EXOSC7: variants seen among roughly 807,000 people sequenced by gnomAD.
EXOSC7 encodes the protein exosome component 7, also known as exosome complex component RRP42.
A neutral mutation model predicts 34.3 loss-of-function variants in EXOSC7; 25 were observed. The observed-to-expected ratio is 0.73, with a 90% confidence interval of 0.53 to 1.02. EXOSC7 has a LOEUF of 1.02. Among genes scored for constraint, EXOSC7 ranks in the 50% least tolerant of loss-of-function variants. The pLI, the probability that EXOSC7 is intolerant of heterozygous loss-of-function variation, is 0.00. For synonymous variants in EXOSC7, 130 were observed against 143.0 expected (o/e 0.91, Z 0.65); for missense variants, 370 against 368.5 (o/e 1.00, Z -0.03).
At chr3:44,986,319 G>C (rs1706414042) in intron 1 of EXOSC7, among the ~76,000 whole-genome samples, 1 of 152,232 alleles carries the variant, frequency 6.6e-6, no homozygotes, top group Admixed American at 6.5e-5. Context: ...CACAGCAGCT[G>C]CTGGCCCAGG....
intron 1 of EXOSC7, among the ~76,000 whole-genome samples, chr3:44,984,204 C>T (rs961442587): frequency 4.6e-5 from 7 of 152,152 alleles, no homozygotes; most frequent in African/African-American, 7.2e-5. Context: ...GATGTGGTGG[C>T]GCATGCCTGT....
intron 1 of EXOSC7, among the ~76,000 whole-genome samples, chr3:44,984,823 A>G (rs550788463): frequency 6.6e-6 from 1 of 152,392 alleles, no homozygotes; most frequent in East Asian, 1.9e-4. Flanking sequence ...AGCAGCTGCT[A>G]TTATTTATTG....
rs766608807 is a variant in EXOSC7, at chr3:45,005,404, C to T, written c.605C>T (p.Thr202Ile). The stretch of plus-strand genomic sequence containing the variant: ...GTGGAGAATGTCCCCTGCATTGTCA[C>T]TCTGTGCAAGGTATAACTTGTATTT... ...LSVENVPCIV[T>I]LCKIGYRHVV... is the part of the protein sequence containing the mutation. The change falls in exon 6 of 8, where the codon ACT becomes ATT. Residue 202 changes from threonine (T) to isoleucine (I), a missense_variant. Transcript: ENST00000265564. 2 of 1,614,130 alleles carry T rather than the reference C, an allele frequency of 1.2e-6. No individual in the cohort carries two copies. Among genetic ancestry groups the T allele is most frequent in the Admixed American group, 1.7e-5 (1 of 60,016 alleles).
intron 4 of EXOSC7, among the ~76,000 whole-genome samples, chr3:44,998,223 A>C (rs575398640): frequency 2.0e-5 from 3 of 151,634 alleles, no homozygotes; most frequent in African/African-American, 7.3e-5. Context: ...ATTAGTAGAG[A>C]TGGGGTTTCA....
At chr3:44,976,593 C>G (rs907377176) in intron 1 of EXOSC7, among the ~76,000 whole-genome samples, 6 of 152,168 alleles carry the variant, frequency 3.9e-5, no homozygotes, top group Non-Finnish European at 8.8e-5. Flanking sequence ...TCTCGGAGGC[C>G]TTTTCTTAGT....
chr3:44,993,243 A>T (rs1481664988), intron 3 of EXOSC7, among the ~76,000 whole-genome samples: 1 of 152,110 alleles, frequency 6.6e-6, no homozygotes, highest in African/African-American at 2.4e-5. Flanking sequence ...TTGGTCTGGT[A>T]CCCATTTACA....
chr3:45,006,662 C>T (rs569326951), intron 6 of EXOSC7, among the ~76,000 whole-genome samples: 31 of 151,016 alleles, frequency 2.1e-4, no homozygotes, highest in Non-Finnish European at 3.7e-4. Context: ...ATGATCTGCC[C>T]GCCTCGGCCT....
At chr3:44,977,851 A>C (rs935295930) in intron 1 of EXOSC7, among the ~76,000 whole-genome samples, 3 of 152,356 alleles carry the variant, frequency 2.0e-5, no homozygotes, top group Non-Finnish European at 4.4e-5. Flanking sequence ...TTCATCCCTG[A>C]AAGTGGCACT....
chr3:45,003,206 A>G (rs1272917794), intron 5 of EXOSC7, among the ~76,000 whole-genome samples: 1 of 152,174 alleles, frequency 6.6e-6, no homozygotes, highest in Non-Finnish European at 1.5e-5. Context: ...TCCCCCTGGT[A>G]TGTGGAGAGA....
intron 7 of EXOSC7, among the ~76,000 whole-genome samples, chr3:45,009,409 C>T (rs1480495601): frequency 6.6e-6 from 1 of 152,216 alleles, no homozygotes; most frequent in Non-Finnish European, 1.5e-5. Flanking sequence ...TCAAGGCCCT[C>T]TCAAGTCCTG....
chr3:44,989,376 G>GA (rs1553698994), intron 2 of EXOSC7, 135 bp downstream of exon 2: 70 of 767,790 alleles, frequency 9.1e-5, no homozygotes, highest in Non-Finnish European at 1.3e-4. Flanking sequence ...AACTCAGGGA[G>GA]GGGGGGTCTA....
chr3:44,988,197 A>T (rs1210123430), intron 1 of EXOSC7, among the ~76,000 whole-genome samples: 1 of 152,214 alleles, frequency 6.6e-6, no homozygotes, highest in Non-Finnish European at 1.5e-5. Flanking sequence ...GTGTTGCAGA[A>T]AGTAGATAAT....
chr3:44,990,774 A>G (rs1559744948), intron 3 of EXOSC7, among the ~76,000 whole-genome samples: 1 of 152,226 alleles, frequency 6.6e-6, no homozygotes, highest in Non-Finnish European at 1.5e-5. Context: ...AATGTTCAGC[A>G]TAAATCATAT....
At chr3:45,011,133 T>C in intron 7 of EXOSC7, 102 bp from the exon 8 acceptor site, 1 of 593,344 alleles carries the variant, frequency 1.7e-6, no homozygotes, top group Non-Finnish European at 2.8e-6. Flanking sequence ...ATGGAATGTG[T>C]ACAATGTCAG....
At chr3:44,994,516 T>C (rs1196196459) in intron 3 of EXOSC7, among the ~76,000 whole-genome samples, 1 of 152,194 alleles carries the variant, frequency 6.6e-6, no homozygotes, top group Non-Finnish European at 1.5e-5. Context: ...TTTTATCCTC[T>C]GGAGATGGTC....
At chr3:44,979,369 A>G (rs1706214275) in intron 1 of EXOSC7, among the ~76,000 whole-genome samples, 1 of 152,210 alleles carries the variant, frequency 6.6e-6, no homozygotes, top group Non-Finnish European at 1.5e-5. Flanking sequence ...AGTAACGTCC[A>G]TTTCAGCTTC....
At chr3:44,984,720 TA>T (rs1295848569) in intron 1 of EXOSC7, among the ~76,000 whole-genome samples, 1 of 152,228 alleles carries the variant, frequency 6.6e-6, no homozygotes, top group Non-Finnish European at 1.5e-5. Context: ...ATGGAATGAA[TA>T]ACACTATCGT....
At chr3:45,000,707 A>T (rs1000874067) in intron 4 of EXOSC7, among the ~76,000 whole-genome samples, 1 of 152,248 alleles carries the variant, frequency 6.6e-6, no homozygotes, top group African/African-American at 2.4e-5. Context: ...AAGTAATTAC[A>T]CTAGTAAATG....
intron 3 of EXOSC7, among the ~76,000 whole-genome samples, chr3:44,996,630 C>T (rs932814140): frequency 4.6e-5 from 7 of 152,148 alleles, no homozygotes; most frequent in African/African-American, 1.2e-4. Context: ...TTGAGAGTAT[C>T]GTAGTGTGTT....
Sources: gnomAD v4.1 joint callset for allele counts (sites outside exome capture counted in the v4.1 genomes callset) on GRCh38, gnomAD v4.1.1 for gene constraint, MANE v1.5 for transcripts, NCBI Gene and HGNC (gene_info 2026-07-23, HGNC 2026-07-21) for gene names.